The following CNDP1 variants were observed in gnomAD, a reference collection of about 807,000 sequenced individuals.
CNDP1 encodes the protein carnosine dipeptidase 1.
In CNDP1, 44 loss-of-function variants were observed where a neutral mutation model predicts 58.1. That is an observed-to-expected ratio of 0.76 (90% CI 0.60 to 0.97). CNDP1 has a LOEUF of 0.97. CNDP1 is among the 50% of genes least tolerant of loss of function. The probability of loss-of-function intolerance (pLI) is 0.00; values close to 1 mark genes in which losing one functional copy is unlikely to be tolerated. For synonymous variants in CNDP1, 254 were observed against 252.6 expected, an observed-to-expected ratio of 1.01 and a Z score of -0.05; for missense variants, 616 against 655.1, an observed-to-expected ratio of 0.94 and a Z score of 0.65.
intron 1 of CNDP1, among the ~76,000 whole-genome samples, chr18:74,536,477 T>C (rs916586405): frequency 2.0e-5 from 3 of 152,236 alleles, no homozygotes; most frequent in Non-Finnish European, 4.4e-5. Flanking sequence ...ATCTCATTCT[T>C]TTTTATGGCT....
intron 10 of CNDP1, among the ~76,000 whole-genome samples, chr18:74,581,506 C>T (rs983780392): frequency 3.9e-5 from 6 of 152,160 alleles, no homozygotes; most frequent in Admixed American, 3.3e-4. Context: ...TCACTGTACA[C>T]AATTGCAAAA....
chr18:74,549,277 C>T (rs1010740629), intron 1 of CNDP1, among the ~76,000 whole-genome samples: 7 of 152,160 alleles, frequency 4.6e-5, no homozygotes, highest in East Asian at 1.9e-4. Flanking sequence ...TCCTAGAAAA[C>T]GTAGCATTCC....
rs1357885127 is a variant in CNDP1 at position 74,586,988 on chromosome 18, C to T, written c.*2426C>T. On this transcript the variant is annotated 3_prime_UTR_variant, in exon 12 of 12. Coordinates refer to ENST00000358821, the MANE Select transcript of CNDP1 (RefSeq NM_032649.6). ...AAAATGATCACCCAGTAAAGTTGGG[C>T]GTACATTGTGGCATGCCCATCAGGG... The T allele has an allele frequency of 1.3e-5, 2 of 152,162 alleles. No individual in the cohort carries two copies. Among genetic ancestry groups the T allele is most frequent in the Non-Finnish European group, 2.9e-5 (2 of 68,036 alleles). The allele number at this position is 152,162 out of a possible 1,614,324, so 9.4% of individuals were successfully genotyped here. A position where few individuals can be genotyped will look rare whatever the true frequency, so the allele number is the denominator to read the frequency against.
At chr18:74,578,418 C>T in intron 9 of CNDP1, 91 bp downstream of exon 9, 1 of 1,268,122 alleles carries the variant, frequency 7.9e-7, no homozygotes, top group African/African-American at 1.6e-5. Context: ...GAGGTTGCTA[C>T]CATTGGAGTA....
chr18:74,539,717 C>T (rs1189188383), intron 1 of CNDP1, among the ~76,000 whole-genome samples: 2 of 152,342 alleles, frequency 1.3e-5, no homozygotes. Flanking sequence ...CTTGCCAAGG[C>T]TCAGCCTGCC....
chr18:74,579,853 C>T (rs534365498), intron 9 of CNDP1, among the ~76,000 whole-genome samples: 2 of 152,130 alleles, frequency 1.3e-5, no homozygotes, highest in African/African-American at 2.4e-5. Flanking sequence ...AGGGGGTGGG[C>T]CGGGGCCAGG....
chr18:74,570,225 T>C (rs1189289399), intron 6 of CNDP1, among the ~76,000 whole-genome samples: 1 of 106,102 alleles, frequency 9.4e-6, no homozygotes, highest in East Asian at 2.6e-4. Flanking sequence ...TAATTAATAA[T>C]AATAATAATA....
At chr18:74,558,979 C>A (rs1203264264) in intron 2 of CNDP1, among the ~76,000 whole-genome samples, 1 of 152,134 alleles carries the variant, frequency 6.6e-6, no homozygotes, top group East Asian at 1.9e-4. Context: ...AACCCACCAG[C>A]TCCTCAGTTC....
At chr18:74,535,631 G>A (rs1052552356) in intron 1 of CNDP1, among the ~76,000 whole-genome samples, 4 of 149,640 alleles carry the variant, frequency 2.7e-5, no homozygotes, top group Non-Finnish European at 5.9e-5. Flanking sequence ...TGGGGTGGGG[G>A]TTAGAAGAGG....
chr18:74,578,221 G>C lies in CNDP1; in HGVS notation c.1061G>C (p.Gly354Ala). ...TCTCTTTCTATTCATGGGATCGAGG[G>C]CGCGTTTGATGAGCCTGGAACTAAA... The part of the protein sequence containing the change: ...YPSLSIHGIE[G>A]AFDEPGTKTV... The change falls in exon 9 of 12, where the codon GGC becomes GCC. Residue 354 changes from glycine (G) to alanine (A), a missense_variant. Gly to Ala is a moderately conservative substitution (Grantham distance 60). Coordinates refer to ENST00000358821, the MANE Select transcript of CNDP1 (RefSeq NM_032649.6). 6.2e-7 allele frequency: 1 copy of C among 1,614,006 alleles called. No individual in the cohort carries two copies. Among genetic ancestry groups the C allele is most frequent in the Non-Finnish European group, 8.5e-7 (1 of 1,179,992 alleles).
At chr18:74,560,790 T>C (rs1318512614) in intron 3 of CNDP1, 66 bp from the exon 4 acceptor site, 1 of 1,473,556 alleles carries the variant, frequency 6.8e-7, no homozygotes, top group Non-Finnish European at 9.5e-7. Context: ...CCCAATGTCA[T>C]GTCTTTGAAT....
chr18:74,556,601 T>G (rs1981048371), intron 2 of CNDP1, 135 bp downstream of exon 2: 3 of 993,896 alleles, frequency 3.0e-6, no homozygotes, highest in African/African-American at 1.6e-5. Context: ...GACTGCTCAT[T>G]GGGTTAAAAA....
intron 2 of CNDP1, among the ~76,000 whole-genome samples, chr18:74,557,287 A>T (rs2144653242): frequency 6.6e-6 from 1 of 151,984 alleles, no homozygotes; most frequent in Non-Finnish European, 1.5e-5. Context: ...AGTGGCACAA[A>T]CACAGCTCAC....
rs764506090 is a variant in CNDP1 at position 74,534,697 on chromosome 18, T to C, written c.24+6T>C. 1 of 1,614,018 alleles carries C rather than the reference T, an allele frequency of 6.2e-7. No individual in the cohort carries two copies. The highest frequency in any genetic ancestry group is 1.7e-5 in the Admixed American group (1 of 60,020). On this transcript the variant is annotated splice_donor_region_variant and intron_variant, in intron 1 of 11. Coordinates refer to ENST00000358821, the MANE Select transcript of CNDP1 (RefSeq NM_032649.6). ...ATCCCAAACTCGGGAGAATGGTGAG[T>C]AGGACCTCCTCCATCAGAGTCCGTG...
intron 1 of CNDP1, among the ~76,000 whole-genome samples, chr18:74,538,913 G>T (rs1003088946): frequency 6.6e-6 from 1 of 152,120 alleles, no homozygotes; most frequent in African/African-American, 2.4e-5. Flanking sequence ...TCAACTTCGA[G>T]TATAAAAAGT....
intron 7 of CNDP1, among the ~76,000 whole-genome samples, chr18:74,573,279 T>TATCC (rs554984784): frequency 6.6e-6 from 1 of 152,078 alleles, no homozygotes; most frequent in Admixed American, 6.5e-5. Flanking sequence ...ATCATCTTTC[T>TATCC]ATCCATCCAT....
intron 2 of CNDP1, among the ~76,000 whole-genome samples, chr18:74,556,799 G>C (rs1599092163): frequency 6.6e-6 from 1 of 152,226 alleles, no homozygotes; most frequent in African/African-American, 2.4e-5. Context: ...TGACGTTATT[G>C]TAAGGCCTGG....
At chr18:74,535,580 C>CTTTTTTT (rs10685765) in intron 1 of CNDP1, among the ~76,000 whole-genome samples, 9 of 106,386 alleles carry the variant, frequency 8.5e-5, no homozygotes, top group Admixed American at 2.4e-4. Context: ...CCATTGCTGA[C>CTTTTTTT]TTTTTTTTTT....
intron 3 of CNDP1, among the ~76,000 whole-genome samples, chr18:74,560,269 T>A (rs1981154763): frequency 6.6e-6 from 1 of 152,164 alleles, no homozygotes; most frequent in South Asian, 2.1e-4. Context: ...CCGCCTTGGC[T>A]TCCCAAAGTG....
Sources: gnomAD v4.1 joint callset for allele counts (sites outside exome capture counted in the v4.1 genomes callset) on GRCh38, gnomAD v4.1.1 for gene constraint, MANE v1.5 for transcripts, NCBI Gene and HGNC (gene_info 2026-07-23, HGNC 2026-07-21) for gene names.